Variants in NR6A1 observed in about 807,000 individuals in gnomAD.
NR6A1 encodes the protein retinoic acid receptor-related testis-associated receptor.
Under a neutral mutation model 59.1 loss-of-function variants are expected in NR6A1, and 7 were observed. The observed-to-expected ratio is 0.12, with a 90% CI of 0.07 to 0.22. NR6A1 has a LOEUF of 0.22. NR6A1 is among the 10% of genes least tolerant of loss of function. NR6A1 has a pLI of 1.00. For synonymous variants in NR6A1, 243 were observed against 236.1 expected (o/e 1.03, Z -0.27); for missense variants, 468 against 611.6 (o/e 0.77, Z 2.48).
intron 2 of NR6A1, among the ~76,000 whole-genome samples, chr9:124,633,136 G>A (rs1209666033): frequency 6.6e-6 from 1 of 152,148 alleles, no homozygotes; most frequent in Non-Finnish European, 1.5e-5. Context: ...CGGGCGCAGT[G>A]GCTCACACTT....
intron 2 of NR6A1, among the ~76,000 whole-genome samples, chr9:124,706,033 C>T: frequency 6.6e-6 from 1 of 152,242 alleles, no homozygotes; most frequent in African/African-American, 2.4e-5. Flanking sequence ...GCCTCGGCCT[C>T]CCAAAGTGCC....
rs530068662 is a variant in NR6A1, at chr9:124,763,716, G to A, written c.100+7304C>T. Among the ~76,000 whole-genome samples, 9 of 152,170 alleles carry A rather than the reference G, an allele frequency of 5.9e-5. No homozygotes were observed. The East Asian group carries it at 1.4e-3, about 23-fold the overall frequency. ...TGTTCTGTCTTCTAGCTTTTCTTTC[G>A]TGACAGAAAGACTAAATTAGATAAA... is the stretch of plus-strand genomic sequence containing the variant. On this transcript the variant is annotated intron_variant, in intron 1 of 9. Transcript: ENST00000487099.
At chr9:124,754,052 C>T (rs1275321302) in intron 1 of NR6A1, among the ~76,000 whole-genome samples, 1 of 152,198 alleles carries the variant, frequency 6.6e-6, no homozygotes, top group South Asian at 2.1e-4. Flanking sequence ...TTCAACAACT[C>T]TGTAATGGAA....
At chr9:124,556,653 G>A (rs1016361043) in intron 2 of NR6A1, among the ~76,000 whole-genome samples, 1 of 151,954 alleles carries the variant, frequency 6.6e-6, no homozygotes, top group Non-Finnish European at 1.5e-5. Context: ...TAGAGACGGG[G>A]TTTTACCATC....
chr9:124,677,611 C>A (rs1333074159), intron 2 of NR6A1, among the ~76,000 whole-genome samples: 1 of 152,002 alleles, frequency 6.6e-6, no homozygotes, highest in Non-Finnish European at 1.5e-5. Context: ...GTAAACAAAT[C>A]TTAAGTCTGA....
chr9:124,610,415 TAGGTTA>T (rs1437357005), intron 2 of NR6A1, among the ~76,000 whole-genome samples: 1 of 152,198 alleles, frequency 6.6e-6, no homozygotes, highest in Non-Finnish European at 1.5e-5. Context: ...TTGATTTGTG[TAGGTTA>T]AACTAGCCTT....
chr9:124,706,419 TTTA>T (rs1839134234), intron 2 of NR6A1, among the ~76,000 whole-genome samples: 1 of 152,250 alleles, frequency 6.6e-6, no homozygotes, highest in Non-Finnish European at 1.5e-5. Context: ...CCTTTAGTAT[TTTA>T]AAGCAGGTCC....
chr9:124,568,587 T>C (rs1021821230), intron 2 of NR6A1, among the ~76,000 whole-genome samples: 3 of 151,790 alleles, frequency 2.0e-5, no homozygotes, highest in Non-Finnish European at 4.4e-5. Context: ...GCATGAAAAG[T>C]AAGACAAGTT....
intron 2 of NR6A1, among the ~76,000 whole-genome samples, chr9:124,617,676 G>A (rs1835939971): frequency 6.6e-6 from 1 of 152,132 alleles, no homozygotes; most frequent in Non-Finnish European, 1.5e-5. Context: ...CCAGCAGAGG[G>A]CAGCATCCCC....
At chr9:124,747,613 T>A (rs1020950638) in intron 1 of NR6A1, among the ~76,000 whole-genome samples, 1 of 152,182 alleles carries the variant, frequency 6.6e-6, no homozygotes, top group Non-Finnish European at 1.5e-5. Context: ...AATTTCAACA[T>A]GTCAAACTGA....
At chr9:124,745,978 ACT>A (rs1357301663) in intron 1 of NR6A1, among the ~76,000 whole-genome samples, 3 of 137,140 alleles carry the variant, frequency 2.2e-5, no homozygotes, top group Admixed American at 7.5e-5. Context: ...ACAGAGCCAG[ACT>A]CTGTCTCAAA....
chr9:124,761,196 C>T (rs150365512), intron 1 of NR6A1, among the ~76,000 whole-genome samples: 52 of 152,144 alleles, frequency 3.4e-4, no homozygotes, highest in African/African-American at 1.2e-3. Context: ...AAAAGAAAGG[C>T]TTGTATTTTC....
chr9:124,719,798 T>C (rs1164735810), intron 2 of NR6A1, among the ~76,000 whole-genome samples: 1 of 151,850 alleles, frequency 6.6e-6, no homozygotes, highest in African/African-American at 2.4e-5. Flanking sequence ...TGCGCGCCTA[T>C]AGTCCCAGCC....
chr9:124,733,428 G>C (rs1298264865), intron 1 of NR6A1, 79 bp from the exon 2 acceptor site: 2 of 1,089,762 alleles, frequency 1.8e-6, no homozygotes, highest in Non-Finnish European at 2.8e-6. Context: ...GTATCATACA[G>C]TTGGGGGGAA....
In NR6A1 at chr9:124,554,374, C is replaced by T; in HGVS notation, c.339G>A (p.Gln113=). The change falls in exon 3 of 10, where the codon CAG becomes CAA. Residue 113 remains glutamine, a synonymous_variant. Coordinates refer to ENST00000487099, the MANE Select transcript of NR6A1 (RefSeq NM_033334.4). ...VMSRKQRNRC[Q]YCRLLKCLQM... ...GGAGGCATTTGAGCAGGCGGCAGTA[C>T]TGGCACCTGTTCCTCTGCTTCCGAG... The T allele has an allele frequency of 6.2e-7, 1 of 1,614,218 alleles. No homozygotes were observed. Among genetic ancestry groups the T allele is most frequent in the Non-Finnish European group, 8.5e-7 (1 of 1,180,030 alleles).
At chr9:124,612,708 C>T (rs1303977296) in intron 2 of NR6A1, among the ~76,000 whole-genome samples, 2 of 152,060 alleles carry the variant, frequency 1.3e-5, no homozygotes, top group Admixed American at 1.3e-4. Flanking sequence ...ATTTCAGTTA[C>T]AACTCTTGTA....
intron 2 of NR6A1, among the ~76,000 whole-genome samples, chr9:124,662,891 T>A (rs535345386): frequency 6.6e-6 from 1 of 152,304 alleles, no homozygotes; most frequent in African/African-American, 2.4e-5. Flanking sequence ...AGAAAGCAAA[T>A]TTTTATCTGA....
chr9:124,731,966 T>C (rs1038795230), intron 2 of NR6A1, among the ~76,000 whole-genome samples: 1 of 152,174 alleles, frequency 6.6e-6, no homozygotes, highest in Non-Finnish European at 1.5e-5. Flanking sequence ...TATACACCTA[T>C]AGCTGCTGGT....
At chr9:124,648,509 T>C (rs1197108429) in intron 2 of NR6A1, among the ~76,000 whole-genome samples, 2 of 152,140 alleles carry the variant, frequency 1.3e-5, no homozygotes, top group Non-Finnish European at 2.9e-5. Flanking sequence ...GGCATCATAC[T>C]GGATGGGGGT....
Sources: gnomAD v4.1 joint callset for allele counts (sites outside exome capture counted in the v4.1 genomes callset) on GRCh38, gnomAD v4.1.1 for gene constraint, MANE v1.5 for transcripts, NCBI Gene and HGNC (gene_info 2026-07-23, HGNC 2026-07-21) for gene names.